Variants in OR51G2 observed in about 807,000 individuals in gnomAD.
The protein encoded by OR51G2 is olfactory receptor family 51 subfamily G member 2, also known as olfactory receptor 51G2.
Under a neutral mutation model 11.8 loss-of-function variants are expected in OR51G2, and 13 were observed. The observed-to-expected ratio is 1.10, with a 90% CI of 0.72 to 1.76. OR51G2 has a LOEUF of 1.76. Among genes scored for constraint, OR51G2 ranks in the 40% most tolerant of loss-of-function variants. The probability of loss-of-function intolerance (pLI) is 0.00; values close to 1 mark genes in which losing one functional copy is unlikely to be tolerated. For missense variants in OR51G2, 474 were observed against 394.4 expected (o/e 1.20, Z -1.71); for synonymous variants, 178 against 151.9 (o/e 1.17, Z -1.26).
chr11:4,915,627 CGCT>C lies in OR51G2; in HGVS notation c.34_36del (p.Ser12del). The C allele has an allele frequency of 1.2e-6, 2 of 1,613,502 alleles. No homozygotes were observed. The highest frequency in any genetic ancestry group is 1.7e-6 in the Non-Finnish European group (2 of 1,179,666). ...CCACTCAGCAGGAAGGTAGCAGAAA[CGCT>C]GCTGCTGCTGTTTCCCAGGGATCCC... On this transcript the variant is annotated inframe_deletion, in exon 2 of 2. Transcript: ENST00000641926.
chr11:4,917,469 T>G (rs1313726163), intron 1 of OR51G2, among the ~76,000 whole-genome samples: 1 of 152,194 alleles, frequency 6.6e-6, no homozygotes, highest in African/African-American at 2.4e-5. Context: ...TGCTGATTCT[T>G]TAGCTGAATA....
chr11:4,914,794 A>G lies in OR51G2; in HGVS notation c.870T>C (p.Pro290=), dbSNP rs1246930752. The part of the protein sequence containing the change: ...VMGFMYLLFP[P]VMNPIVYSVK... ...CACTGTAGACAATGGGATTCATCAC[A>G]GGAGGAAAGAGAAGATACATGAAAC... The change falls in exon 2 of 2, where the codon CCT becomes CCC. Residue 290 remains proline, a synonymous_variant. Coordinates refer to ENST00000641926, the MANE Select transcript of OR51G2 (RefSeq NM_001005238.2). 4.3e-6 allele frequency: 7 copies of G among 1,614,040 alleles called. No homozygotes were observed. The highest frequency in any genetic ancestry group is 4.2e-6 in the Non-Finnish European group (5 of 1,179,978).
chr11:4,916,016 A>T (rs1276093719), intron 1 of OR51G2, among the ~76,000 whole-genome samples: 6 of 152,006 alleles, frequency 3.9e-5, no homozygotes, highest in Admixed American at 3.9e-4. Flanking sequence ...TACTAGTCTC[A>T]CCCAGTGGGA....
At chr11:4,916,665 T>G (rs190746750) in intron 1 of OR51G2, among the ~76,000 whole-genome samples, 1 of 152,314 alleles carries the variant, frequency 6.6e-6, no homozygotes, top group Non-Finnish European at 1.5e-5. Flanking sequence ...AGCTCATAAA[T>G]GCTGCTCAGC....
chr11:4,915,688 T>A lies in OR51G2; in HGVS notation c.-25A>T. 1 of 1,560,746 alleles carries A rather than the reference T, an allele frequency of 6.4e-7. No homozygotes were observed. The highest frequency in any genetic ancestry group is 1.2e-5 in the South Asian group (1 of 86,500). On this transcript the variant is annotated 5_prime_UTR_variant, in exon 2 of 2. Transcript: ENST00000641926. ...TTGTGTGAGGAGACAAGGGGGAAGG[T>A]GGGTGCCCTCCAAAATCCTGAAGTA...
chr11:4,915,376 T>G lies in OR51G2; in HGVS notation c.288A>C (p.Glu96Asp). 1.2e-6 allele frequency: 2 copies of G among 1,613,954 alleles called. No individual in the cohort carries two copies. The highest frequency in any genetic ancestry group is 8.5e-7 in the Non-Finnish European group (1 of 1,179,998). ...VLGIFWVGAR[E>D]ISHDACFAQL... ...GAGCAAAGCAGGCATCATGGCTAATTTCTCGTGCTCCAACCCAAAAGATGC... is the reference window on the plus strand; with the variant it reads ...GAGCAAAGCAGGCATCATGGCTAATGTCTCGTGCTCCAACCCAAAAGATGC... Residue 96 changes from glutamate to aspartate, a missense_variant, in exon 2 of 2, where the codon GAA (glutamate) becomes GAC (aspartate). Coordinates refer to ENST00000641926, the MANE Select transcript of OR51G2 (RefSeq NM_001005238.2).
chr11:4,915,924 G>C (rs1480201118), intron 1 of OR51G2, among the ~76,000 whole-genome samples, 185 bp from the exon 2 acceptor site: 1 of 152,114 alleles, frequency 6.6e-6, no homozygotes, highest in African/African-American at 2.4e-5. Context: ...GGGTGAGTTG[G>C]AGATTCTAAA....
Position 4,919,182 on chromosome 11 carries a change from T to C in OR51G2, c.-82A>G, listed in dbSNP as rs1851144681. On this transcript the variant is annotated 5_prime_UTR_variant, in exon 1 of 2. The change abolishes the stop of an existing upstream ORF in the 5' untranslated region. Transcript: ENST00000641926. The stretch of plus-strand genomic sequence containing the variant: ...AATCTGACTGTAGCATTTACCATCC[T>C]TAGCAGGTGCTCTCTGCAGCCTTTT... 1 of 152,246 alleles carries C rather than the reference T, an allele frequency of 6.6e-6. No homozygotes were observed. The highest frequency in any genetic ancestry group is 1.9e-4 in the East Asian group (1 of 5,196). The allele number at this position is 152,246 out of a possible 1,614,324, so 9.4% of individuals were successfully genotyped here.
At position 4,914,645 on chromosome 11, in the gene OR51G2, G is replaced by C; in HGVS notation, c.*74C>G. 1.1e-6 allele frequency: 1 copy of C among 945,554 alleles called. No homozygotes were observed. The highest frequency in any genetic ancestry group is 1.6e-6 in the Non-Finnish European group (1 of 624,132). The allele number at this position is 945,554 out of a possible 1,614,324, so 58.6% of individuals were successfully genotyped here. On this transcript the variant is annotated 3_prime_UTR_variant, in exon 2 of 2. Transcript: ENST00000641926. Reference sequence around the variant, plus strand: ...TAAGTAAATGTCTCCTTTATTTTATGCATGTTAGAAATTATAAAGGATAGG... The same window carrying C: ...TAAGTAAATGTCTCCTTTATTTTATCCATGTTAGAAATTATAAAGGATAGG...
In OR51G2 at chr11:4,918,176, G is replaced by T. The variant is rs1180540401; in HGVS notation, c.-77+1001C>A. 3.3e-5 allele frequency among the ~76,000 whole-genome samples: 5 copies of T among 152,020 alleles called. No individual in the cohort carries two copies. The East Asian group carries it at 9.7e-4, about 30-fold the overall frequency. ...AATTTTATAATATCCCTAGAATCACGCAGCCAGTCAGTGCCGGAGCTGGAA... is the reference window on the plus strand; with the variant it reads ...AATTTTATAATATCCCTAGAATCACTCAGCCAGTCAGTGCCGGAGCTGGAA... On this transcript the variant is annotated intron_variant, in intron 1 of 1. Transcript: ENST00000641926.
At position 4,915,383 on chromosome 11, in the gene OR51G2, G is replaced by T. The variant is rs16907312; in HGVS notation, c.281C>A (p.Ala94Glu). The T allele has an allele frequency of 0.13, 213,111 of 1,613,702 alleles. 16,755 individuals carry two copies. Among genetic ancestry groups the T allele is most frequent in the African/African-American group, 0.28 (20,890 of 74,956 alleles). The change falls in exon 2 of 2, where the codon GCA becomes GAA. Residue 94 changes from alanine to glutamate, a missense_variant. Ala to Glu is a moderately radical substitution (Grantham distance 107). Transcript: ENST00000641926. ...PTVLGIFWVG[A>E]REISHDACFA... Reference sequence around the variant, plus strand: ...GCAGGCATCATGGCTAATTTCTCGTGCTCCAACCCAAAAGATGCCCAGGAC... The same window carrying T: ...GCAGGCATCATGGCTAATTTCTCGTTCTCCAACCCAAAAGATGCCCAGGAC...
rs950898563 is a variant in OR51G2 at position 4,913,394 on chromosome 11, C to G, written c.*1325G>C. 2.0e-5 allele frequency: 3 copies of G among 152,188 alleles called. No homozygotes were observed. The highest frequency in any genetic ancestry group is 4.8e-5 in the African/African-American group (2 of 41,446). 9.4% of individuals were successfully genotyped at this position (152,188 alleles called of 1,614,324 possible). ...CAGCCACACCCTTTCTTAATCTGCACTAAAACCATGCAGGAACATGACATT... is the reference window on the plus strand; with the variant it reads ...CAGCCACACCCTTTCTTAATCTGCAGTAAAACCATGCAGGAACATGACATT... On this transcript the variant is annotated 3_prime_UTR_variant, in exon 2 of 2. Transcript: ENST00000641926.
At chr11:4,918,144 C>T (rs990128939) in intron 1 of OR51G2, among the ~76,000 whole-genome samples, 3 of 151,922 alleles carry the variant, frequency 2.0e-5, no homozygotes, top group Non-Finnish European at 4.4e-5. Flanking sequence ...GAAAGAGAGG[C>T]TTAGAGAATT....
intron 1 of OR51G2, among the ~76,000 whole-genome samples, chr11:4,917,992 A>G (rs61880593): frequency 0.44 from 66,228 of 150,498 alleles, 14,892 homozygotes; most frequent in East Asian, 0.68. Flanking sequence ...ATGAAATAGG[A>G]TGGTGAAGAA....
rs770485975 is a variant in OR51G2, at chr11:4,915,586, C to T, written c.78G>A (p.Glu26=). ...GGATGGAGATCCAGATGTGCATGCG[C>T]TCCAGCCCAGGGATGCCACTCAGCA... ...TFLLSGIPGL[E]RMHIWISIPL... The change falls in exon 2 of 2, where the codon GAG becomes GAA. Residue 26 remains glutamate, a synonymous_variant. Coordinates refer to ENST00000641926, the MANE Select transcript of OR51G2 (RefSeq NM_001005238.2). The T allele has an allele frequency of 4.3e-6, 7 of 1,614,072 alleles. No individual in the cohort carries two copies. The South Asian group carries it at 7.7e-5, about 18-fold the overall frequency.
chr11:4,915,395 A>G lies in OR51G2; in HGVS notation c.269T>C (p.Phe90Ser). The G allele has an allele frequency of 6.2e-7, 1 of 1,614,052 alleles. No homozygotes were observed. The highest frequency in any genetic ancestry group is 1.1e-5 in the South Asian group (1 of 91,082). ...GCTAATTTCTCGTGCTCCAACCCAA[A>G]AGATGCCCAGGACTGTAGGGAGAGT... The part of the protein sequence containing the change: ...LCTLPTVLGI[F>S]WVGAREISHD... The change falls in exon 2 of 2, where the codon TTT becomes TCT. Residue 90 changes from phenylalanine (F) to serine (S), a missense_variant. Coordinates refer to ENST00000641926, the MANE Select transcript of OR51G2 (RefSeq NM_001005238.2).
rs567207906 is a variant in OR51G2, at chr11:4,913,917, C to G, written c.*802G>C. ...TCAGGGAAAACTTTTCTGATGCTCC[C>G]TTCCCCCAGCTAGGGGAAGACAACT... On this transcript the variant is annotated 3_prime_UTR_variant, in exon 2 of 2. Transcript: ENST00000641926. 6.6e-6 allele frequency: 1 copy of G among 152,320 alleles called. No individual in the cohort carries two copies. Among genetic ancestry groups the G allele is most frequent in the African/African-American group, 2.4e-5 (1 of 41,582 alleles). 9.4% of individuals were successfully genotyped at this position (152,320 alleles called of 1,614,324 possible).
At position 4,919,109 on chromosome 11, in the gene OR51G2, T is replaced by G. The variant is rs536719348; in HGVS notation, c.-77+68A>C. On this transcript the variant is annotated intron_variant, in intron 1 of 1. Transcript: ENST00000641926. ...TGATGTGAGAAAGCTGTTGTCTACTTTCTGAGCTGGTGCTAAGATCAGACC... is the reference window on the plus strand; with the variant it reads ...TGATGTGAGAAAGCTGTTGTCTACTGTCTGAGCTGGTGCTAAGATCAGACC... 6 of 152,362 alleles carry G rather than the reference T, an allele frequency of 3.9e-5. No individual in the cohort carries two copies. In the South Asian group the frequency reaches 1.2e-3, roughly 32 times the overall value. 9.4% of individuals were successfully genotyped at this position (152,362 alleles called of 1,614,324 possible).
At position 4,915,654 on chromosome 11, in the gene OR51G2, C is replaced by T. The variant is rs746589595; in HGVS notation, c.10G>A (p.Gly4Arg). Residue 4 changes from glycine (G) to arginine (R), a missense_variant, in exon 2 of 2, where the codon GGA becomes AGA. By Grantham distance (125) the Gly-to-Arg change is moderately radical. Transcript: ENST00000641926. MTLGSLGNSSSSVS... is the reference protein window; with the variant it reads MTLRSLGNSSSSVS... ...CTGCTGCTGCTGTTTCCCAGGGATC[C>T]CAGGGTCATTGTGTGAGGAGACAAG... The T allele has an allele frequency of 5.6e-6, 9 of 1,611,360 alleles. No homozygotes were observed. In the South Asian group the frequency reaches 9.9e-5, roughly 18 times the overall value.
Sources: gnomAD v4.1 joint callset for allele counts (sites outside exome capture counted in the v4.1 genomes callset) on GRCh38, gnomAD v4.1.1 for gene constraint, MANE v1.5 for transcripts, NCBI Gene and HGNC (gene_info 2026-07-23, HGNC 2026-07-21) for gene names.